The following CDK18 variants were observed in gnomAD, a reference collection of about 807,000 sequenced individuals.
The protein encoded by CDK18 is cyclin dependent kinase 18.
Under a neutral mutation model 62.0 loss-of-function variants are expected in CDK18, and 52 were observed. That is an observed-to-expected ratio of 0.84 (90% CI 0.67 to 1.06). The LOEUF (loss-of-function observed/expected upper bound fraction) is 1.06, where lower values mean the gene tolerates loss of function less well. CDK18 is among the 50% of genes least tolerant of loss of function. CDK18 has a pLI of 0.00. For synonymous variants in CDK18, 237 were observed against 247.0 expected (o/e 0.96, Z 0.38); for missense variants, 604 against 619.9 (o/e 0.97, Z 0.27).
chr1:205,526,401 T>G lies in CDK18; in HGVS notation c.606T>G (p.Ile202Met), dbSNP rs1276425415. ...TGAAGAACCTGAAGCACGCCAATAT[T>G]GTGACCCTGCATGACCTCATCCACA... ...SLLKNLKHAN[I>M]VTLHDLIHTD... Residue 202 changes from isoleucine (I) to methionine (M), a missense_variant, in exon 7 of 16, where the codon ATT (isoleucine) becomes ATG (methionine). Physicochemically the swap from Ile to Met is conservative, Grantham distance 10. Transcript: ENST00000429964. 6.2e-7 allele frequency: 1 copy of G among 1,614,156 alleles called. No individual in the cohort carries two copies. The highest frequency in any genetic ancestry group is 8.5e-7 in the Non-Finnish European group (1 of 1,180,010).
At chr1:205,505,086 G>GC (rs1667240753) in intron 1 of CDK18, among the ~76,000 whole-genome samples, 1 of 152,104 alleles carries the variant, frequency 6.6e-6, no homozygotes, top group East Asian at 1.9e-4. Flanking sequence ...TGCAATCTCA[G>GC]ACCCCGCGCC....
rs1668486167 is a variant in CDK18, at chr1:205,527,325, A to G, written c.730-469A>G. ...AAGACCTCATCTCTACTAAAAATTG[A>G]AAAATTAGCCGGGCACAGTAGCGTG... On this transcript the variant is annotated intron_variant, in intron 8 of 15. Transcript: ENST00000429964. This position sits in a 1 kb window ranked among gnomAD's most constrained non-coding sequence, Gnocchi z 4.1. 1 of 209,672 alleles carries G rather than the reference A, an allele frequency of 4.8e-6. No homozygotes were observed. 13.0% of individuals were successfully genotyped at this position (209,672 alleles called of 1,614,324 possible). A position where few individuals can be genotyped will look rare whatever the true frequency, so the allele number is the denominator to read the frequency against.
intron 1 of CDK18, among the ~76,000 whole-genome samples, chr1:205,508,309 G>T (rs1310390489): frequency 2.6e-5 from 4 of 152,202 alleles, no homozygotes; most frequent in Admixed American, 6.5e-5. Flanking sequence ...GGTTAATCTT[G>T]TCCTGGCTCC....
intron 1 of CDK18, among the ~76,000 whole-genome samples, chr1:205,519,732 C>T (rs1177063209): frequency 6.6e-6 from 1 of 152,120 alleles, no homozygotes; most frequent in Non-Finnish European, 1.5e-5. Context: ...TTGCTCCTCA[C>T]TGAACCTTAG....
At chr1:205,511,294 T>C (rs1667554959) in intron 1 of CDK18, among the ~76,000 whole-genome samples, 1 of 152,250 alleles carries the variant, frequency 6.6e-6, no homozygotes, top group African/African-American at 2.4e-5. Flanking sequence ...TTCATTTACA[T>C]CTTGCCTGTG....
At position 205,529,939 on chromosome 1, in the gene CDK18, T is replaced by C. The variant is rs148588003; in HGVS notation, c.1222-320T>C. The C allele has an allele frequency of 1.5e-3, 2,125 of 1,383,304 alleles. 3 individuals carry two copies. Among genetic ancestry groups the C allele is most frequent in the Non-Finnish European group, 1.5e-3 (1,572 of 1,066,030 alleles). The allele number at this position is 1,383,304 out of a possible 1,614,324, so 85.7% of individuals were successfully genotyped here. ...TAAGGCACACGATGAAGGGTTGTTA[T>C]CGGCACTACGCTTCCTGTTACGGAT... is the stretch of plus-strand genomic sequence containing the variant. On this transcript the variant is annotated intron_variant, in intron 13 of 15. Transcript: ENST00000429964.
At chr1:205,508,714 C>T (rs1319434973) in intron 1 of CDK18, among the ~76,000 whole-genome samples, 4 of 152,168 alleles carry the variant, frequency 2.6e-5, no homozygotes, top group Admixed American at 2.0e-4. Context: ...TGTGGTGGCA[C>T]GCGCCTGTAG....
chr1:205,531,280 C>A, intron 15 of CDK18, 64 bp from the exon 16 acceptor site: 1 of 1,494,746 alleles, frequency 6.7e-7, no homozygotes, highest in South Asian at 1.1e-5. Flanking sequence ...ACTGTCCCTG[C>A]TGACCTGGGG....
chr1:205,529,501 T>TC lies in CDK18; in HGVS notation c.1179-18dup, dbSNP rs1330691825. ...CATCCCCAATCAGGCACAGCCTGTG[T>TC]CCGCGCCTTCTCCTTGCAGGTTGGA... On this transcript the variant is annotated intron_variant, in intron 12 of 15. Transcript: ENST00000429964. The TC allele has an allele frequency of 6.2e-7, 1 of 1,609,330 alleles. No homozygotes were observed. The highest frequency in any genetic ancestry group is 1.7e-5 in the Admixed American group (1 of 59,762).
chr1:205,519,593 A>G (rs1488734638), intron 1 of CDK18, among the ~76,000 whole-genome samples: 1 of 152,104 alleles, frequency 6.6e-6, no homozygotes, highest in East Asian at 1.9e-4. Context: ...CGGGTGGAGA[A>G]CAGCTGGTCC....
intron 3 of CDK18, 27 bp from the exon 4 acceptor site, chr1:205,524,205 G>T (rs756389956): frequency 5.6e-6 from 9 of 1,613,996 alleles, no homozygotes; most frequent in Non-Finnish European, 7.6e-6. Context: ...CAACAGTGGT[G>T]TCCCCATCTC....
At chr1:205,529,160 C>A in intron 11 of CDK18, 64 bp downstream of exon 11, 1 of 1,454,748 alleles carries the variant, frequency 6.9e-7, no homozygotes, top group Non-Finnish European at 9.4e-7. Flanking sequence ...CCAGCCCAGG[C>A]GCGGAGCGGG....
chr1:205,526,510 G>A (rs200606903), intron 7 of CDK18, 49 bp downstream of exon 7: 47 of 1,449,168 alleles, frequency 3.2e-5, no homozygotes, highest in Non-Finnish European at 4.0e-5. Flanking sequence ...TGGTGGAAAC[G>A]GGGTGTGGGT....
intron 4 of CDK18, 138 bp downstream of exon 4, chr1:205,524,495 G>A: frequency 2.2e-6 from 2 of 911,516 alleles, no homozygotes; most frequent in East Asian, 2.5e-5. Flanking sequence ...TGGCTTGAGT[G>A]CATTCAACTA....
intron 1 of CDK18, among the ~76,000 whole-genome samples, chr1:205,514,570 G>A (rs542762706): frequency 6.3e-4 from 96 of 152,300 alleles, no homozygotes; most frequent in African/African-American, 1.8e-3. Context: ...TTTATTGCAC[G>A]TGGCAGTGTG....
intron 2 of CDK18, 89 bp from the exon 3 acceptor site, chr1:205,523,394 G>A (rs1431843404): frequency 6.2e-7 from 1 of 1,602,650 alleles, no homozygotes; most frequent in Admixed American, 1.7e-5. Context: ...TGGCCTTAGG[G>A]GAGGAGCACA....
rs143452374 is a variant in CDK18 at position 205,510,244 on chromosome 1, C to T, written c.-22+5448C>T. Among the ~76,000 whole-genome samples the T allele has an allele frequency of 4.6e-4, 70 of 152,218 alleles. No individual in the cohort carries two copies. In the East Asian group the frequency reaches 0.012, roughly 27 times the overall value. Reference sequence around the variant, plus strand: ...TGGGGAGTCTCCTCAGGAACCAGACCTTCTTCTCTTCTCTGGCCCCAGCCA... The same window carrying T: ...TGGGGAGTCTCCTCAGGAACCAGACTTTCTTCTCTTCTCTGGCCCCAGCCA... On this transcript the variant is annotated intron_variant, in intron 1 of 15. Transcript: ENST00000429964.
rs927096670 is a variant in CDK18, at chr1:205,528,928, C to T, written c.975-71C>T. 7.0e-6 allele frequency: 7 copies of T among 1,003,984 alleles called. No homozygotes were observed. Among genetic ancestry groups the T allele is most frequent in the Middle Eastern group, 3.1e-4 (1 of 3,278 alleles). 62.2% of individuals were successfully genotyped at this position (1,003,984 alleles called of 1,614,324 possible). On this transcript the variant is annotated intron_variant, in intron 10 of 15. Transcript: ENST00000429964. This position sits in a 1 kb window ranked among gnomAD's most constrained non-coding sequence, Gnocchi z 4.2. ...CGCCTGTGGCAGGTCGTCATTGGTG[C>T]CCTGGTGGAGCAGCCCTAGGAAGGG...
intron 1 of CDK18, among the ~76,000 whole-genome samples, chr1:205,522,104 G>A (rs987754721): frequency 3.3e-5 from 5 of 152,216 alleles, no homozygotes; most frequent in Admixed American, 6.5e-5. Context: ...GTGAGACAGC[G>A]CTGCTCTGGG....
Sources: allele counts gnomAD v4.1 joint callset (sites outside exome capture counted in the v4.1 genomes callset), GRCh38; gene constraint gnomAD v4.1.1; non-coding constraint Gnocchi (gnomAD v3.1); transcripts MANE v1.5; gene names NCBI Gene and HGNC (gene_info 2026-07-23, HGNC 2026-07-21).